NINJ2: variants seen among roughly 807,000 people sequenced by gnomAD.
The protein encoded by NINJ2 is ninjurin 2.
Under a neutral mutation model 11.7 loss-of-function variants are expected in NINJ2, and 12 were observed. The observed-to-expected ratio is 1.02, with a 90% confidence interval of 0.66 to 1.66. The LOEUF is 1.66. NINJ2 is among the 40% of genes most tolerant of loss of function. NINJ2 has a pLI of 0.00. For missense variants in NINJ2, 187 were observed against 181.8 expected (o/e 1.03, Z -0.16); for synonymous variants, 93 against 76.8 (o/e 1.21, Z -1.10).
chr12:629,665 A>T lies in NINJ2; in HGVS notation c.33+33663T>A, dbSNP rs574567177. 2.6e-4 allele frequency among the ~76,000 whole-genome samples: 40 copies of T among 151,664 alleles called. 1 individual carries two copies. Among genetic ancestry groups the T allele is most frequent in the Admixed American group, 2.2e-3 (33 of 15,198 alleles). ...CACTTTGGGAGGCCGAGGCAGGTGGATCACCTGAGGTCAGGAGTTTGAGAC... is the reference window on the plus strand; with the variant it reads ...CACTTTGGGAGGCCGAGGCAGGTGGTTCACCTGAGGTCAGGAGTTTGAGAC... On this transcript the variant is annotated intron_variant, in intron 1 of 3. Transcript: ENST00000305108.
At chr12:569,988 C>T (rs1360868918) in intron 1 of NINJ2, among the ~76,000 whole-genome samples, 1 of 152,218 alleles carries the variant, frequency 6.6e-6, no homozygotes, top group African/African-American at 2.4e-5. Flanking sequence ...GGCGTTTCCA[C>T]CCCGAGGAAC....
intron 1 of NINJ2, among the ~76,000 whole-genome samples, chr12:649,125 C>T (rs1937745006): frequency 6.6e-6 from 1 of 151,944 alleles, no homozygotes; most frequent in Non-Finnish European, 1.5e-5. Flanking sequence ...CGGCTCACTG[C>T]AACCTCCGCC....
chr12:598,605 C>A (rs566065611), intron 1 of NINJ2, among the ~76,000 whole-genome samples: 1 of 152,302 alleles, frequency 6.6e-6, no homozygotes, highest in Non-Finnish European at 1.5e-5. Flanking sequence ...TTGAGGTCCA[C>A]CTAATAGACA....
At chr12:565,151 C>T in intron 3 of NINJ2, 66 bp downstream of exon 3, 1 of 1,345,768 alleles carries the variant, frequency 7.4e-7, no homozygotes, top group Non-Finnish European at 1.0e-6. Context: ...TGCCCCAAAG[C>T]CCCAGAGGAG....
chr12:655,767 G>T (rs1937864496), intron 1 of NINJ2, among the ~76,000 whole-genome samples: 1 of 151,796 alleles, frequency 6.6e-6, no homozygotes, highest in Non-Finnish European at 1.5e-5. Flanking sequence ...ACAAAAATTA[G>T]CTGGGCATGG....
intron 1 of NINJ2, among the ~76,000 whole-genome samples, chr12:624,836 C>T (rs1425814587): frequency 2.7e-5 from 4 of 146,014 alleles, no homozygotes; most frequent in African/African-American, 5.1e-5. Flanking sequence ...TGGCTGGGCG[C>T]GGTGGCTCAC....
intron 1 of NINJ2, among the ~76,000 whole-genome samples, chr12:574,112 T>C (rs1947417673): frequency 6.6e-6 from 1 of 151,948 alleles, no homozygotes; most frequent in African/African-American, 2.4e-5. Flanking sequence ...TCCCAGCAAC[T>C]TGGGAAGCTG....
At chr12:572,809 CAG>C (rs1318275762) in intron 1 of NINJ2, among the ~76,000 whole-genome samples, 9 of 151,044 alleles carry the variant, frequency 6.0e-5, no homozygotes, top group African/African-American at 2.2e-4. Context: ...TCACACAGCA[CAG>C]AGTTTTTAAT....
chr12:569,132 G>A (rs1201855144), intron 1 of NINJ2, among the ~76,000 whole-genome samples: 3 of 152,224 alleles, frequency 2.0e-5, no homozygotes, highest in African/African-American at 7.2e-5. Context: ...GGGATGGAGG[G>A]TAAATGAGGA....
intron 1 of NINJ2, among the ~76,000 whole-genome samples, chr12:593,022 C>T (rs1294567555): frequency 1.3e-5 from 2 of 149,398 alleles, no homozygotes; most frequent in Non-Finnish European, 3.0e-5. Context: ...CCTAAAAATG[C>T]AATCAAGAAA....
At chr12:662,430 G>C (rs1423866254) in intron 1 of NINJ2, among the ~76,000 whole-genome samples, 4 of 152,114 alleles carry the variant, frequency 2.6e-5, no homozygotes, top group Non-Finnish European at 5.9e-5. Context: ...GAGAGAGAGA[G>C]AGACGCGTGC....
intron 1 of NINJ2, among the ~76,000 whole-genome samples, chr12:599,380 G>A (rs1947834898): frequency 6.6e-6 from 1 of 152,082 alleles, no homozygotes; most frequent in Admixed American, 6.6e-5. Context: ...CTCAAAAAAA[G>A]TATTCCTCCC....
chr12:579,176 GA>G (rs1947511441), intron 1 of NINJ2, among the ~76,000 whole-genome samples: 1 of 152,220 alleles, frequency 6.6e-6, no homozygotes, highest in South Asian at 2.1e-4. Context: ...AAGAAGCAAT[GA>G]GAGCTGAGCC....
At chr12:621,378 T>C (rs939259248) in intron 1 of NINJ2, among the ~76,000 whole-genome samples, 1 of 151,114 alleles carries the variant, frequency 6.6e-6, no homozygotes, top group Non-Finnish European at 1.5e-5. Flanking sequence ...TGCTTGATCC[T>C]GAGAGTTTGA....
At chr12:568,435 G>A (rs2535411) in intron 1 of NINJ2, among the ~76,000 whole-genome samples, 66,732 of 151,986 alleles carry the variant, frequency 0.44, 15,371 homozygotes, top group East Asian at 0.78. Flanking sequence ...CCAAGCTCCT[G>A]GCCCTTTGCT....
intron 1 of NINJ2, among the ~76,000 whole-genome samples, chr12:573,563 A>T (rs1448474703): frequency 6.6e-6 from 1 of 151,840 alleles, no homozygotes; most frequent in Non-Finnish European, 1.5e-5. Context: ...TGGGCAACAG[A>T]GCAAGAGTCC....
intron 1 of NINJ2, chr12:610,673 C>A (rs957781043): frequency 1.0e-6 from 1 of 978,946 alleles, no homozygotes; most frequent in African/African-American, 1.8e-5. Flanking sequence ...TTCAACTCAA[C>A]CTTGTTTAGC....
At chr12:615,585 A>G (rs1948082816) in intron 1 of NINJ2, among the ~76,000 whole-genome samples, 2 of 152,164 alleles carry the variant, frequency 1.3e-5, no homozygotes, top group South Asian at 2.1e-4. Context: ...GCGAAACTCC[A>G]TCTTAAAAAA....
intron 2 of NINJ2, chr12:565,642 G>A (rs1947286236): frequency 3.3e-6 from 2 of 611,008 alleles, no homozygotes; most frequent in South Asian, 1.9e-5. Context: ...TGTAAGCGTG[G>A]GGACGAGTGC....
Sources: allele counts gnomAD v4.1 joint callset (sites outside exome capture counted in the v4.1 genomes callset), GRCh38; gene constraint gnomAD v4.1.1; transcripts MANE v1.5; gene names NCBI Gene and HGNC (gene_info 2026-07-23, HGNC 2026-07-21).